Variants in MGAT4C observed in about 807,000 individuals in gnomAD.
The protein encoded by MGAT4C is alpha-1,3-mannosyl-glycoprotein 4-beta-N-acetylglucosaminyltransferase C.
Under a neutral mutation model 40.1 loss-of-function variants are expected in MGAT4C, and 19 were observed. The ratio of observed to expected loss-of-function variants is 0.47; its 90% CI spans 0.33 to 0.70. The LOEUF is 0.70. Ranked by LOEUF, MGAT4C falls within the 30% of genes least tolerant of loss-of-function variation. The pLI, the probability that MGAT4C is intolerant of heterozygous loss-of-function variation, is 0.02. For synonymous variants in MGAT4C, 181 were observed against 187.1 expected (o/e 0.97, Z 0.27); for missense variants, 491 against 563.2 (o/e 0.87, Z 1.30).
At chr12:86,227,839 G>C (rs1240509325) in intron 1 of MGAT4C, among the ~76,000 whole-genome samples, 1 of 151,872 alleles carries the variant, frequency 6.6e-6, no homozygotes, top group Admixed American at 6.6e-5. Context: ...TTTGACACCA[G>C]TATTTCCTAA....
At chr12:86,460,142 G>A (rs533316941) in intron 2 of MGAT4C, among the ~76,000 whole-genome samples, 54 of 152,142 alleles carry the variant, frequency 3.5e-4, no homozygotes, top group Non-Finnish European at 3.7e-4. Flanking sequence ...GAGCCCATGA[G>A]TTTGAATACA....
intron 1 of MGAT4C, among the ~76,000 whole-genome samples, chr12:86,734,407 C>T (rs989523213): frequency 1.6e-4 from 25 of 151,930 alleles, no homozygotes; most frequent in Admixed American, 4.6e-4. Flanking sequence ...GAACTTGAAT[C>T]GGAGCAGCGT....
chr12:86,392,615 G>A (rs1216141210), intron 3 of MGAT4C, among the ~76,000 whole-genome samples: 3 of 152,180 alleles, frequency 2.0e-5, no homozygotes, highest in Admixed American at 1.3e-4. Flanking sequence ...GTGAGGGATG[G>A]CTTTTAGAGT....
At position 85,980,363 on chromosome 12, in the gene MGAT4C, CTTAA is replaced by C; in HGVS notation, c.359_362del (p.Ile120SerfsTer12). 2.5e-6 allele frequency: 4 copies of C among 1,613,332 alleles called. No individual in the cohort carries two copies. Among genetic ancestry groups the C allele is most frequent in the Non-Finnish European group, 3.4e-6 (4 of 1,179,706 alleles). Reference sequence around the variant, plus strand: ...CATAGCTGGATTGCTCAAAAATTGACTTAATTGTCTCAAGTAAATAGTTTCCTTT... The same window carrying C: ...CATAGCTGGATTGCTCAAAAATTGACTTGTCTCAAGTAAATAGTTTCCTTT... On this transcript the variant is annotated frameshift_variant, in exon 5 of 5. Coordinates refer to ENST00000611864, the MANE Select transcript of MGAT4C (RefSeq NM_001351288.2). LOFTEE classifies it high-confidence loss of function.
chr12:86,155,384 G>A (rs1884807527), intron 1 of MGAT4C, among the ~76,000 whole-genome samples: 1 of 152,254 alleles, frequency 6.6e-6, no homozygotes, highest in South Asian at 2.1e-4. Context: ...AGTAATATGA[G>A]TAAGAGATGA....
At chr12:86,368,548 C>T (rs775229230) in intron 3 of MGAT4C, among the ~76,000 whole-genome samples, 1 of 149,442 alleles carries the variant, frequency 6.7e-6, no homozygotes, top group South Asian at 2.1e-4. Context: ...TCCATCTTAG[C>T]ACTGCTTTTG....
intron 2 of MGAT4C, among the ~76,000 whole-genome samples, chr12:86,566,677 CAT>C (rs1485098669): frequency 1.4e-5 from 2 of 140,472 alleles, no homozygotes; most frequent in Non-Finnish European, 3.1e-5. Flanking sequence ...ATGTATAATA[CAT>C]ATATGTATAT....
chr12:86,321,073 C>A (rs56015021), intron 4 of MGAT4C, among the ~76,000 whole-genome samples: 14,581 of 151,988 alleles, frequency 0.096, 1,705 homozygotes, highest in East Asian at 0.29. Flanking sequence ...CTAGATAAAT[C>A]TTAAAACCAT....
At chr12:86,531,337 C>T (rs1030071099) in intron 2 of MGAT4C, among the ~76,000 whole-genome samples, 1 of 151,948 alleles carries the variant, frequency 6.6e-6, no homozygotes, top group African/African-American at 2.4e-5. Flanking sequence ...ATAGACTTCA[C>T]GGGGTACAGA....
In MGAT4C at chr12:86,272,057, TAGAA is replaced by T. The variant is rs71445053; in HGVS notation, c.-57+62004_-57+62007del. The stretch of plus-strand genomic sequence containing the variant: ...TAAAGGGTATAAACATACAGCAAGA[TAGAA>T]GGAATAAATTCAATATTTATAGTAG... On this transcript the variant is annotated intron_variant, in intron 4 of 7. Coordinates refer to the MGAT4C transcript ENST00000548651. Among the ~76,000 whole-genome samples the T allele has an allele frequency of 5.7e-3, 865 of 152,132 alleles. 5 individuals are homozygous for T. The highest frequency in any genetic ancestry group is 9.6e-3 in the Non-Finnish European group (654 of 67,960).
intron 2 of MGAT4C, among the ~76,000 whole-genome samples, chr12:86,700,166 C>CAGATAGATAGAT (rs1208271183): frequency 1.1e-5 from 1 of 94,374 alleles, no homozygotes; most frequent in African/African-American, 3.9e-5. Flanking sequence ...GACAGACAGA[C>CAGATAGATAGAT]AGACAGACAG....
At chr12:86,810,960 T>C (rs967050102) in intron 1 of MGAT4C, among the ~76,000 whole-genome samples, 1 of 149,448 alleles carries the variant, frequency 6.7e-6, no homozygotes, top group Non-Finnish European at 1.5e-5. Context: ...CTGAGTTTAA[T>C]TTGCTCTTCT....
In MGAT4C at chr12:86,656,894, T is replaced by G. The variant is rs538299240; in HGVS notation, c.-229+70315A>C. ...TAGGATTACATTTGAAATTATGTTT[T>G]TCTTAATTTTTGTTTAAATTTAGCT... On this transcript the variant is annotated intron_variant, in intron 2 of 7. Transcript: ENST00000548651. 2.6e-5 allele frequency among the ~76,000 whole-genome samples: 4 copies of G among 152,240 alleles called. No individual in the cohort carries two copies. The South Asian group carries it at 8.3e-4, about 32-fold the overall frequency.
chr12:86,465,482 T>C (rs1027106558), intron 2 of MGAT4C, among the ~76,000 whole-genome samples: 5 of 151,786 alleles, frequency 3.3e-5, no homozygotes, highest in East Asian at 3.9e-4. Context: ...CCATATATAA[T>C]AAAAGGCCAT....
chr12:86,288,065 CGTT>C (rs1241796994), intron 4 of MGAT4C, among the ~76,000 whole-genome samples: 4 of 152,166 alleles, frequency 2.6e-5, no homozygotes, highest in Non-Finnish European at 5.9e-5. Flanking sequence ...GATGGTATCT[CGTT>C]GTGGTTTTGA....
At chr12:86,714,571 C>T (rs1050881313) in intron 2 of MGAT4C, among the ~76,000 whole-genome samples, 5 of 152,098 alleles carry the variant, frequency 3.3e-5, no homozygotes, top group Non-Finnish European at 5.9e-5. Flanking sequence ...TTTCACTTGG[C>T]TCTTCATTTG....
At chr12:86,056,186 T>C (rs1893366752) in intron 1 of MGAT4C, among the ~76,000 whole-genome samples, 1 of 152,146 alleles carries the variant, frequency 6.6e-6, no homozygotes, top group Non-Finnish European at 1.5e-5. Context: ...GAGAAAACTA[T>C]TATTTGAGCT....
intron 2 of MGAT4C, among the ~76,000 whole-genome samples, chr12:86,479,519 T>C (rs12824233): frequency 6.6e-6 from 1 of 151,928 alleles, no homozygotes; most frequent in Non-Finnish European, 1.5e-5. Context: ...ATTGAAATAG[T>C]CATCTTCTAA....
At chr12:86,430,873 T>C (rs1399630704) in intron 3 of MGAT4C, among the ~76,000 whole-genome samples, 1 of 152,226 alleles carries the variant, frequency 6.6e-6, no homozygotes, top group Non-Finnish European at 1.5e-5. Flanking sequence ...GTGAAGATAC[T>C]ACTTGATTTT....
Sources: gnomAD v4.1 joint callset for allele counts (sites outside exome capture counted in the v4.1 genomes callset) on GRCh38, gnomAD v4.1.1 for gene constraint, MANE v1.5 for transcripts, NCBI Gene and HGNC (gene_info 2026-07-23, HGNC 2026-07-21) for gene names.